The following GBP7 variants were observed in gnomAD, a reference collection of about 807,000 sequenced individuals.
The protein encoded by GBP7 is guanylate binding protein 7, also known as guanylate-binding protein 7.
In GBP7, 43 loss-of-function variants were observed where a neutral mutation model predicts 61.3. The ratio of observed to expected loss-of-function variants is 0.70; its 90% CI spans 0.55 to 0.91. The LOEUF (loss-of-function observed/expected upper bound fraction) is 0.91, where lower values mean the gene tolerates loss of function less well. Among genes scored for constraint, GBP7 ranks in the 40% least tolerant of loss-of-function variants. GBP7 has a pLI of 0.00. For missense variants in GBP7, 717 were observed against 740.5 expected (o/e 0.97, Z 0.37); for synonymous variants, 267 against 271.0 (o/e 0.99, Z 0.14).
chr1:89,147,881 G>A (rs532942586), intron 7 of GBP7, 102 bp from the exon 8 acceptor site: 3 of 1,189,932 alleles, frequency 2.5e-6, no homozygotes, highest in Non-Finnish European at 3.7e-6. Context: ...CTCAGAGCAG[G>A]CTGAGTTACG....
Position 89,165,372 on chromosome 1 carries a change from C to T in GBP7, c.191-514G>A, listed in dbSNP as rs141718771. ...AAAATTAGCCAGGCATGGTCGTGCA[C>T]GCCTGTAGTCCCAGCTACTTGGGAG... On this transcript the variant is annotated intron_variant, in intron 2 of 10. Coordinates refer to ENST00000294671, the MANE Select transcript of GBP7 (RefSeq NM_207398.3). Among the ~76,000 whole-genome samples the T allele has an allele frequency of 6.6e-4, 100 of 152,110 alleles. 1 individual carries two copies. In the East Asian group the frequency reaches 0.016, roughly 24 times the overall value.
chr1:89,155,018 A>C (rs1439751020), intron 3 of GBP7, among the ~76,000 whole-genome samples: 1 of 152,196 alleles, frequency 6.6e-6, no homozygotes, highest in Non-Finnish European at 1.5e-5. Context: ...AGGAAGGATC[A>C]GGCAGCAACA....
At chr1:89,139,884 C>T (rs1025245044) in intron 9 of GBP7, among the ~76,000 whole-genome samples, 2 of 152,168 alleles carry the variant, frequency 1.3e-5, no homozygotes, top group East Asian at 1.9e-4. Flanking sequence ...GTCAGTGTGG[C>T]GATTCCTCAG....
At chr1:89,133,628 AG>A (rs966194628) in intron 9 of GBP7, among the ~76,000 whole-genome samples, 177 bp from the exon 10 acceptor site, 2 of 152,202 alleles carry the variant, frequency 1.3e-5, no homozygotes, top group African/African-American at 4.8e-5. Flanking sequence ...TGATGAAGGA[AG>A]GATGCAGACC....
intron 2 of GBP7, among the ~76,000 whole-genome samples, chr1:89,168,231 A>G (rs1009944101): frequency 3.9e-5 from 6 of 152,070 alleles, no homozygotes; most frequent in African/African-American, 1.4e-4. Flanking sequence ...ACCCATTCCT[A>G]AGGAGAAAAA....
intron 3 of GBP7, among the ~76,000 whole-genome samples, chr1:89,156,993 T>C (rs1682331673): frequency 6.6e-6 from 1 of 152,202 alleles, no homozygotes; most frequent in South Asian, 2.1e-4. Context: ...ACAGAAATTA[T>C]GACAAACTGT....
At chr1:89,174,053 C>G (rs1234058305) in intron 1 of GBP7, among the ~76,000 whole-genome samples, 3 of 152,162 alleles carry the variant, frequency 2.0e-5, no homozygotes, top group Admixed American at 2.0e-4. Flanking sequence ...GGAAATCCCT[C>G]CACATCTGTT....
chr1:89,144,536 C>T (rs1455775136), intron 8 of GBP7, among the ~76,000 whole-genome samples: 1 of 152,144 alleles, frequency 6.6e-6, no homozygotes, highest in Non-Finnish European at 1.5e-5. Context: ...TACAACCTCA[C>T]CAGTATGTGC....
At chr1:89,140,742 T>C (rs894123152) in intron 9 of GBP7, among the ~76,000 whole-genome samples, 2 of 152,130 alleles carry the variant, frequency 1.3e-5, no homozygotes, top group African/African-American at 4.8e-5. Context: ...TAAAGACACA[T>C]GAATGTGCAT....
At chr1:89,132,935 T>C (rs1470103285) in intron 10 of GBP7, among the ~76,000 whole-genome samples, 1 of 152,212 alleles carries the variant, frequency 6.6e-6, no homozygotes. Context: ...GTCCTTTTGA[T>C]GGTTGTGCCA....
In GBP7 at chr1:89,132,418, G is replaced by A. The variant is rs2100632098; in HGVS notation, c.1663-15C>T. The A allele has an allele frequency of 6.4e-7, 1 of 1,557,446 alleles. No homozygotes were observed. Among genetic ancestry groups the A allele is most frequent in the East Asian group, 2.3e-5 (1 of 44,378 alleles). On this transcript the variant is annotated splice_polypyrimidine_tract_variant and intron_variant, in intron 10 of 10. Coordinates refer to ENST00000294671, the MANE Select transcript of GBP7 (RefSeq NM_207398.3). ...TCTTCTAGGACCTATAAAAGTAAAA[G>A]AGCCTACTTTTGAAAATCCCCAATT...
At chr1:89,134,517 A>C (rs1681750946) in intron 9 of GBP7, among the ~76,000 whole-genome samples, 1 of 152,100 alleles carries the variant, frequency 6.6e-6, no homozygotes, top group African/African-American at 2.4e-5. Context: ...CCAGAGAACA[A>C]AGCCATGGGC....
At chr1:89,147,471 C>A in intron 8 of GBP7, 96 bp downstream of exon 8, 3 of 905,992 alleles carry the variant, frequency 3.3e-6, no homozygotes, top group Admixed American at 2.1e-5. Flanking sequence ...CAATTTTTGT[C>A]GATAAATGGT....
At chr1:89,146,520 A>G (rs1021407252) in intron 8 of GBP7, among the ~76,000 whole-genome samples, 1 of 152,186 alleles carries the variant, frequency 6.6e-6, no homozygotes, top group African/African-American at 2.4e-5. Flanking sequence ...TTTGCAAACC[A>G]TATATCTGAT....
At chr1:89,153,050 T>C (rs924192716) in intron 3 of GBP7, among the ~76,000 whole-genome samples, 21 of 152,246 alleles carry the variant, frequency 1.4e-4, no homozygotes, top group Non-Finnish European at 8.8e-5. Flanking sequence ...TAAATATATT[T>C]CTTCCTTTAT....
At chr1:89,139,478 CA>C in intron 9 of GBP7, among the ~76,000 whole-genome samples, 1 of 152,212 alleles carries the variant, frequency 6.6e-6, no homozygotes, top group South Asian at 2.1e-4. Flanking sequence ...TTCTGCACAG[CA>C]AAAGAAACTA....
At chr1:89,146,249 G>A (rs1466308275) in intron 8 of GBP7, among the ~76,000 whole-genome samples, 1 of 152,100 alleles carries the variant, frequency 6.6e-6, no homozygotes, top group East Asian at 1.9e-4. Flanking sequence ...TGGGAAAACT[G>A]GACCCTTGTA....
intron 9 of GBP7, among the ~76,000 whole-genome samples, chr1:89,134,437 G>T (rs532382521): frequency 6.6e-6 from 1 of 152,148 alleles, no homozygotes; most frequent in Non-Finnish European, 1.5e-5. Flanking sequence ...ACTCCTCATC[G>T]GTGTGTTGTT....
intron 9 of GBP7, among the ~76,000 whole-genome samples, chr1:89,140,719 A>T (rs1272052813): frequency 6.6e-6 from 1 of 152,198 alleles, no homozygotes; most frequent in Non-Finnish European, 1.5e-5. Context: ...AAGGAAAATA[A>T]ATCATTCTAC....
Sources: gnomAD v4.1 joint callset for allele counts (sites outside exome capture counted in the v4.1 genomes callset) on GRCh38, gnomAD v4.1.1 for gene constraint, MANE v1.5 for transcripts, NCBI Gene and HGNC (gene_info 2026-07-23, HGNC 2026-07-21) for gene names.